Variants in ZC3H13 observed in about 807,000 individuals in gnomAD.
ZC3H13 encodes zinc finger CCCH-type containing 13.
ZC3H13 carries 64 observed loss-of-function variants against 204.1 expected under a neutral mutation model. The observed-to-expected ratio is 0.31, with a 90% CI of 0.26 to 0.39. The LOEUF (loss-of-function observed/expected upper bound fraction) is 0.39, where lower values mean the gene tolerates loss of function less well. ZC3H13 is among the 10% of genes least tolerant of loss of function. ZC3H13 has a pLI of 1.00. For synonymous variants in ZC3H13, 667 were observed against 693.7 expected, an observed-to-expected ratio of 0.96 and a Z score of 0.60; for missense variants, 1,833 against 2,082.7, an observed-to-expected ratio of 0.88 and a Z score of 2.33.
intron 1 of ZC3H13, among the ~76,000 whole-genome samples, chr13:46,050,444 C>T (rs1448865977): frequency 1.3e-5 from 2 of 152,124 alleles, no homozygotes; most frequent in Non-Finnish European, 2.9e-5. Context: ...GAAAGCATAA[C>T]ACTTTAATCC....
intron 4 of ZC3H13, among the ~76,000 whole-genome samples, chr13:46,038,251 C>T (rs904285875): frequency 6.6e-6 from 1 of 152,178 alleles, no homozygotes; most frequent in African/African-American, 2.4e-5. Context: ...CTTTAAAACT[C>T]CTTACAGTTC....
Position 45,962,957 on chromosome 13 carries a change from G to A in ZC3H13, c.4675+885C>T, listed in dbSNP as rs553667119. 1.6e-4 allele frequency: 157 copies of A among 985,374 alleles called. 1 individual carries two copies. In the African/African-American group the frequency reaches 2.3e-3, roughly 14 times the overall value. The allele number at this position is 985,374 out of a possible 1,614,324, so 61.0% of individuals were successfully genotyped here. On this transcript the variant is annotated intron_variant, in intron 17 of 18. Transcript: ENST00000679008. ...CAACCCCTACCACCAGAATCCATAA[G>A]CTAGATAATCTGGAATAACTGAAAA...
Position 46,052,567 on chromosome 13 carries a change from G to A in ZC3H13, c.-173C>T, listed in dbSNP as rs1388348345. 1 of 398,640 alleles carries A rather than the reference G, an allele frequency of 2.5e-6. No individual in the cohort carries two copies. Among genetic ancestry groups the A allele is most frequent in the African/African-American group, 2.1e-5 (1 of 48,630 alleles). 24.7% of individuals were successfully genotyped at this position (398,640 alleles called of 1,614,324 possible). A position where few individuals can be genotyped will look rare whatever the true frequency, so the allele number is the denominator to read the frequency against. ...TCCCGGGAACCGGCTCTTGGCTAGCGAGGAGCCCCCGGGATGGCTGAGAAG... is the reference window on the plus strand; with the variant it reads ...TCCCGGGAACCGGCTCTTGGCTAGCAAGGAGCCCCCGGGATGGCTGAGAAG... On this transcript the variant is annotated 5_prime_UTR_variant, in exon 1 of 19. Transcript: ENST00000679008.
At chr13:45,957,957 A>C (rs929525143) in intron 18 of ZC3H13, among the ~76,000 whole-genome samples, 1 of 152,240 alleles carries the variant, frequency 6.6e-6, no homozygotes, top group African/African-American at 2.4e-5. Flanking sequence ...TTTTTTGGAA[A>C]GTTATTGTCA....
At chr13:46,009,900 A>G (rs531361559) in intron 7 of ZC3H13, among the ~76,000 whole-genome samples, 1 of 152,280 alleles carries the variant, frequency 6.6e-6, no homozygotes, top group South Asian at 2.1e-4. Context: ...TAATATAAAT[A>G]CTAAGATGAA....
At chr13:46,002,000 A>C (rs1233600373) in intron 8 of ZC3H13, among the ~76,000 whole-genome samples, 1 of 152,106 alleles carries the variant, frequency 6.6e-6, no homozygotes, top group East Asian at 1.9e-4. Flanking sequence ...TTAAAATCTT[A>C]TCTCTGTTAA....
rs541226432 is a variant in ZC3H13 at position 45,962,312 on chromosome 13, G to T, written c.4675+1530C>A. 9.1e-6 allele frequency: 9 copies of T among 985,368 alleles called. No individual in the cohort carries two copies. The African/African-American group carries it at 1.6e-4, about 17-fold the overall frequency. The allele number at this position is 985,368 out of a possible 1,614,324, so 61.0% of individuals were successfully genotyped here. A position where few individuals can be genotyped will look rare whatever the true frequency, so the allele number is the denominator to read the frequency against. On this transcript the variant is annotated intron_variant, in intron 17 of 18. Transcript: ENST00000679008. Reference sequence around the variant, plus strand: ...ACCCTTTACAGTGCATATTTTCACTGTTTAGGTTAAGTCATCAATAAGTAA... The same window carrying T: ...ACCCTTTACAGTGCATATTTTCACTTTTTAGGTTAAGTCATCAATAAGTAA...
At chr13:45,959,240 C>T (rs1951504451) in intron 18 of ZC3H13, among the ~76,000 whole-genome samples, 1 of 151,910 alleles carries the variant, frequency 6.6e-6, no homozygotes, top group Non-Finnish European at 1.5e-5. Context: ...GAAAGCTTTT[C>T]ACAAAAAACG....
intron 17 of ZC3H13, chr13:45,962,978 GA>G (rs1951799914): frequency 1.0e-6 from 1 of 985,270 alleles, no homozygotes; most frequent in African/African-American, 1.7e-5. Context: ...TGGAATAACT[GA>G]AAATTGCTGC....
chr13:46,008,003 C>T (rs2041272896), intron 7 of ZC3H13, among the ~76,000 whole-genome samples: 1 of 152,014 alleles, frequency 6.6e-6, no homozygotes, highest in African/African-American at 2.4e-5. Flanking sequence ...ATCTTACTAT[C>T]AGACTATATC....
chr13:46,009,181 T>G (rs574166958), intron 7 of ZC3H13, among the ~76,000 whole-genome samples: 8 of 152,114 alleles, frequency 5.3e-5, no homozygotes, highest in African/African-American at 1.9e-4. Flanking sequence ...GATTGAAGAA[T>G]TGAGATAGAA....
rs1281300292 is a variant in ZC3H13 at position 45,954,624 on chromosome 13, T to C, written c.*2503A>G. On this transcript the variant is annotated 3_prime_UTR_variant, in exon 19 of 19. Transcript: ENST00000679008. Reference sequence around the variant, plus strand: ...TATCCTTAAAAGTGGGAGGGGTTCATATAACCTTTTAAAATAGCAAGTTGA... The same window carrying C: ...TATCCTTAAAAGTGGGAGGGGTTCACATAACCTTTTAAAATAGCAAGTTGA... 6.6e-6 allele frequency: 1 copy of C among 152,234 alleles called. No individual in the cohort carries two copies. The highest frequency in any genetic ancestry group is 2.4e-5 in the African/African-American group (1 of 41,466). 9.4% of individuals were successfully genotyped at this position (152,234 alleles called of 1,614,324 possible).
At position 46,020,452 on chromosome 13, in the gene ZC3H13, C is replaced by T; in HGVS notation, c.445G>A (p.Asp149Asn). ...AAACCAAGATTCTGAAACTCACCATCTCTATTAGTTTCCCATTCTACATTT... is the reference window on the plus strand; with the variant it reads ...AAACCAAGATTCTGAAACTCACCATTTCTATTAGTTTCCCATTCTACATTT... ...EENVEWETNR[D>N]DSDNGDINYD... The change falls in exon 5 of 19, where the codon GAT (aspartate) becomes AAT (asparagine). Residue 149 changes from aspartate to asparagine, a missense_variant. By Grantham distance (23) the Asp-to-Asn change is conservative (BLOSUM62 1). This residue lies in a region of ZC3H13 where 1,574 missense variants were observed against 1,757.2 expected (regional missense o/e 0.90). Coordinates refer to ENST00000679008, the MANE Select transcript of ZC3H13 (RefSeq NM_001330564.2). 1 of 1,601,644 alleles carries T rather than the reference C, an allele frequency of 6.2e-7. No individual in the cohort carries two copies. Among genetic ancestry groups the T allele is most frequent in the South Asian group, 1.1e-5 (1 of 89,374 alleles).
intron 7 of ZC3H13, among the ~76,000 whole-genome samples, chr13:46,009,819 T>C (rs1341633942): frequency 6.6e-6 from 1 of 152,098 alleles, no homozygotes; most frequent in Non-Finnish European, 1.5e-5. Flanking sequence ...CAAAAATTTT[T>C]TGTGTATAAT....
chr13:45,980,532 C>G (rs1475951070), intron 10 of ZC3H13, among the ~76,000 whole-genome samples: 1 of 152,144 alleles, frequency 6.6e-6, no homozygotes, highest in Non-Finnish European at 1.5e-5. Context: ...TAATGTCTTT[C>G]AATGGATGAA....
At chr13:45,961,444 T>C (rs1266405003) in intron 17 of ZC3H13, among the ~76,000 whole-genome samples, 1 of 151,158 alleles carries the variant, frequency 6.6e-6, no homozygotes, top group African/African-American at 2.4e-5. Context: ...AGCACCAAAT[T>C]ACTCAAGAAA....
chr13:46,042,728 A>AT (rs2043674350), intron 3 of ZC3H13, among the ~76,000 whole-genome samples: 1 of 152,104 alleles, frequency 6.6e-6, no homozygotes, highest in Admixed American at 6.5e-5. Context: ...ACTGAAAGAT[A>AT]TAAGAAGATA....
chr13:45,982,177 A>C (rs1188654661), intron 10 of ZC3H13, among the ~76,000 whole-genome samples: 3 of 152,038 alleles, frequency 2.0e-5, no homozygotes, highest in Admixed American at 6.5e-5. Context: ...CAGGCTTTTG[A>C]GACCTAAAAG....
At position 45,967,695 on chromosome 13, in the gene ZC3H13, C is replaced by T; in HGVS notation, c.4130G>A (p.Arg1377Lys). 1.2e-6 allele frequency: 2 copies of T among 1,613,986 alleles called. No homozygotes were observed. The highest frequency in any genetic ancestry group is 1.3e-5 in the African/African-American group (1 of 75,042). The change falls in exon 15 of 19, where the codon AGA becomes AAA. Residue 1377 changes from arginine to lysine, a missense_variant. Physicochemically the swap from Arg to Lys is conservative, Grantham distance 26 (BLOSUM62 2). Transcript: ENST00000679008. ...VERDRDRDRD[R>K]TFESSQIESV... ...CTCTATTTGAGAACTCTCAAAAGTT[C>T]TGTCTCTGTCTCTGTCCCTGTCCCT...
Sources: allele counts gnomAD v4.1 joint callset (sites outside exome capture counted in the v4.1 genomes callset), GRCh38; gene constraint gnomAD v4.1.1; regional missense constraint gnomAD v4.1.1; transcripts MANE v1.5; gene names NCBI Gene and HGNC (gene_info 2026-07-23, HGNC 2026-07-21).